The following ATL2 variants were observed in gnomAD, a reference collection of about 807,000 sequenced individuals.
The protein encoded by ATL2 is atlastin-2.
A neutral mutation model predicts 73.9 loss-of-function variants in ATL2; 31 were observed. That is an observed-to-expected ratio of 0.42 (90% confidence interval 0.32 to 0.57). The LOEUF (loss-of-function observed/expected upper bound fraction) is 0.57, where lower values mean the gene tolerates loss of function less well. ATL2 is among the 20% of genes least tolerant of loss of function. ATL2 has a pLI of 0.14. For missense variants in ATL2, 738 were observed against 702.6 expected, an observed-to-expected ratio of 1.05 and a Z score of -0.57; for synonymous variants, 291 against 237.5, an observed-to-expected ratio of 1.23 and a Z score of -2.07.
chr2:38,354,957 C>G (rs938967378), intron 1 of ATL2, among the ~76,000 whole-genome samples: 1 of 151,852 alleles, frequency 6.6e-6, no homozygotes, highest in Non-Finnish European at 1.5e-5. Flanking sequence ...TCAATGAACC[C>G]AAAGTAAAAA....
chr2:38,356,090 GAAAA>G, intron 1 of ATL2, among the ~76,000 whole-genome samples: 1 of 151,760 alleles, frequency 6.6e-6, no homozygotes, highest in Non-Finnish European at 1.5e-5. Context: ...CTACCCACAA[GAAAA>G]ATTAGCCACA....
chr2:38,362,289 C>T (rs536556578), intron 1 of ATL2, among the ~76,000 whole-genome samples: 40 of 152,172 alleles, frequency 2.6e-4, no homozygotes, highest in Non-Finnish European at 4.6e-4. Flanking sequence ...ATTACAAATA[C>T]ACATAACCCT....
At chr2:38,341,650 G>A (rs1426433222) in intron 2 of ATL2, among the ~76,000 whole-genome samples, 3 of 152,262 alleles carry the variant, frequency 2.0e-5, no homozygotes, top group Admixed American at 6.5e-5. Context: ...GTGAGATCAC[G>A]TCTCAATCAA....
At chr2:38,357,311 A>G (rs1366276985) in intron 1 of ATL2, among the ~76,000 whole-genome samples, 1 of 151,722 alleles carries the variant, frequency 6.6e-6, no homozygotes, top group Non-Finnish European at 1.5e-5. Flanking sequence ...CTGGCAACAG[A>G]GGAAGACTCC....
intron 1 of ATL2, among the ~76,000 whole-genome samples, chr2:38,348,221 A>G (rs1383987761): frequency 6.6e-6 from 1 of 151,866 alleles, no homozygotes; most frequent in Non-Finnish European, 1.5e-5. Flanking sequence ...AATCCCAACA[A>G]TTTGGGAGGC....
rs746420266 is a variant in ATL2, at chr2:38,377,151, G to A, written c.110C>T (p.Thr37Ile). The change falls in exon 1 of 13, where the codon ACC (threonine) becomes ATC (isoleucine). Residue 37 changes from threonine (T) to isoleucine (I), a missense_variant. Coordinates refer to ENST00000378954, the MANE Select transcript of ATL2 (RefSeq NM_001135673.4). ...SAAVNHVSST[T>I]SLGENYEDDD... is the part of the protein sequence containing the mutation. Reference sequence around the variant, plus strand: ...GCCTCGCTGGCCCGTACCTAGGGAGGTCGTGGACGAGACGTGGTTAACCGC... The same window carrying A: ...GCCTCGCTGGCCCGTACCTAGGGAGATCGTGGACGAGACGTGGTTAACCGC... 3.1e-6 allele frequency: 5 copies of A among 1,610,528 alleles called. No individual in the cohort carries two copies. Among genetic ancestry groups the A allele is most frequent in the Non-Finnish European group, 2.5e-6 (3 of 1,179,370 alleles).
chr2:38,339,094 TA>T (rs1669543931), intron 2 of ATL2, among the ~76,000 whole-genome samples: 1 of 152,104 alleles, frequency 6.6e-6, no homozygotes, highest in Admixed American at 6.6e-5. Context: ...CAGGCACCTG[TA>T]ATCCCAGCTA....
intron 2 of ATL2, among the ~76,000 whole-genome samples, chr2:38,321,431 G>C (rs1218200473): frequency 6.6e-6 from 1 of 152,054 alleles, no homozygotes; most frequent in East Asian, 1.9e-4. Context: ...ATATATGATG[G>C]ACTTGTGTTT....
chr2:38,361,959 A>G (rs1490881292), intron 1 of ATL2, among the ~76,000 whole-genome samples: 2 of 152,334 alleles, frequency 1.3e-5, no homozygotes, highest in East Asian at 3.9e-4. Context: ...TGCTGTTTCC[A>G]CTATACCAAA....
intron 9 of ATL2, among the ~76,000 whole-genome samples, chr2:38,303,371 A>G (rs1249866670): frequency 6.6e-6 from 1 of 151,874 alleles, no homozygotes; most frequent in Non-Finnish European, 1.5e-5. Context: ...ATGCCTGGCT[A>G]ATTTTTGTAT....
At chr2:38,332,042 T>C (rs905031869) in intron 2 of ATL2, among the ~76,000 whole-genome samples, 4 of 152,166 alleles carry the variant, frequency 2.6e-5, no homozygotes, top group Admixed American at 6.6e-5. Flanking sequence ...GAAAACATTA[T>C]GCTAAGTGAA....
At chr2:38,327,677 T>G (rs1372619285) in intron 2 of ATL2, among the ~76,000 whole-genome samples, 1 of 152,132 alleles carries the variant, frequency 6.6e-6, no homozygotes, top group South Asian at 2.1e-4. Flanking sequence ...AGTGCACATC[T>G]GTAATCCCAG....
chr2:38,320,268 G>A (rs1200088269), intron 2 of ATL2, among the ~76,000 whole-genome samples: 1 of 152,090 alleles, frequency 6.6e-6, no homozygotes, highest in East Asian at 1.9e-4. Context: ...GGGTAAGGAA[G>A]ATTGTTTGGT....
chr2:38,326,067 G>T (rs144286208), intron 2 of ATL2, among the ~76,000 whole-genome samples: 18 of 152,174 alleles, frequency 1.2e-4, no homozygotes, highest in Admixed American at 5.2e-4. Context: ...AGGAGACTGT[G>T]TCTCAAAAAA....
Position 38,310,189 on chromosome 2 carries a change from A to C in ATL2, c.943+120T>G, listed in dbSNP as rs149189423. Reference sequence around the variant, plus strand: ...ACAGAGCATTACAACCACAACATGAACAATGCATCCAAACATTCTCCAGTA... The same window carrying C: ...ACAGAGCATTACAACCACAACATGACCAATGCATCCAAACATTCTCCAGTA... On this transcript the variant is annotated intron_variant, in intron 8 of 12. Coordinates refer to ENST00000378954, the MANE Select transcript of ATL2 (RefSeq NM_001135673.4). 5.1e-4 allele frequency: 585 copies of C among 1,146,200 alleles called. 2 individuals are homozygous for C. The East Asian group carries it at 0.012, about 23-fold the overall frequency. 71.0% of individuals were successfully genotyped at this position (1,146,200 alleles called of 1,614,324 possible). A position where few individuals can be genotyped will look rare whatever the true frequency, so the allele number is the denominator to read the frequency against.
chr2:38,330,530 A>G lies in ATL2; in HGVS notation c.364-11511T>C, dbSNP rs553819914. Among the ~76,000 whole-genome samples, 21 of 152,334 alleles carry G rather than the reference A, an allele frequency of 1.4e-4. No individual in the cohort carries two copies. In the South Asian group the frequency reaches 4.1e-3, roughly 30 times the overall value. On this transcript the variant is annotated intron_variant, in intron 2 of 12. Transcript: ENST00000378954. ...CTCGAAGGAATCCGCTAAAAAAATT[A>G]TTGGAACTAATGAACAAATTCAATT...
chr2:38,296,497 T>C (rs1051385674), intron 12 of ATL2: 1 of 1,612,998 alleles, frequency 6.2e-7, no homozygotes, highest in African/African-American at 1.3e-5. Flanking sequence ...TTTTTCTTCT[T>C]GTTATTGTTG....
chr2:38,357,541 A>G (rs1268049184), intron 1 of ATL2, among the ~76,000 whole-genome samples: 1 of 149,458 alleles, frequency 6.7e-6, no homozygotes, highest in African/African-American at 2.5e-5. Context: ...AGTCCCAGCT[A>G]TTCAGGAGGC....
intron 5 of ATL2, among the ~76,000 whole-genome samples, 173 bp downstream of exon 5, chr2:38,315,111 C>T (rs1406713392): frequency 6.6e-6 from 1 of 152,130 alleles, no homozygotes; most frequent in Admixed American, 6.5e-5. Flanking sequence ...ATTAGCCAGG[C>T]ATGGTGGCAC....
Sources: allele counts gnomAD v4.1 joint callset (sites outside exome capture counted in the v4.1 genomes callset), GRCh38; gene constraint gnomAD v4.1.1; transcripts MANE v1.5; gene names NCBI Gene and HGNC (gene_info 2026-07-23, HGNC 2026-07-21).